The following KCNIP1 variants were observed in gnomAD, a reference collection of about 807,000 sequenced individuals.
The protein encoded by KCNIP1 is potassium voltage-gated channel interacting protein 1, also known as A-type potassium channel modulatory protein KCNIP1.
In KCNIP1, 18 loss-of-function variants were observed where a neutral mutation model predicts 33.0. The observed-to-expected ratio is 0.55, with a 90% CI of 0.38 to 0.81. KCNIP1 has a LOEUF of 0.81. Ranked by LOEUF, KCNIP1 falls within the 30% of genes least tolerant of loss-of-function variation. The pLI, the probability that KCNIP1 is intolerant of heterozygous loss-of-function variation, is 0.00. For synonymous variants in KCNIP1, 93 were observed against 98.3 expected (o/e 0.95, Z 0.32); for missense variants, 238 against 271.6 (o/e 0.88, Z 0.87).
chr5:170,649,885 T>C (rs997465320), intron 1 of KCNIP1, among the ~76,000 whole-genome samples: 2 of 152,018 alleles, frequency 1.3e-5, no homozygotes, highest in African/African-American at 4.8e-5. Context: ...TGAAAGAAGA[T>C]TGGAAAATAA....
chr5:170,368,347 C>T (rs1763752858), intron 1 of KCNIP1, among the ~76,000 whole-genome samples: 1 of 152,144 alleles, frequency 6.6e-6, no homozygotes, highest in East Asian at 1.9e-4. Flanking sequence ...TCACTGCAAC[C>T]TCTGCTTCCT....
At chr5:170,568,394 TC>T in intron 1 of KCNIP1, among the ~76,000 whole-genome samples, 1 of 152,134 alleles carries the variant, frequency 6.6e-6, no homozygotes, top group Middle Eastern at 3.4e-3. Flanking sequence ...TCCATAAACT[TC>T]CTCCTGATGC....
At chr5:170,448,627 T>A (rs944418527) in intron 1 of KCNIP1, among the ~76,000 whole-genome samples, 1 of 152,218 alleles carries the variant, frequency 6.6e-6, no homozygotes, top group Non-Finnish European at 1.5e-5. Context: ...TTTTCAAGAA[T>A]GGGCAAGATA....
At chr5:170,696,999 C>G (rs1383286036) in intron 1 of KCNIP1, among the ~76,000 whole-genome samples, 6 of 152,094 alleles carry the variant, frequency 3.9e-5, no homozygotes, top group African/African-American at 1.4e-4. Context: ...CCTCCCTGTA[C>G]ACGTAGAATC....
chr5:170,451,914 G>A (rs1756263972), intron 1 of KCNIP1, among the ~76,000 whole-genome samples: 1 of 152,180 alleles, frequency 6.6e-6, no homozygotes. Context: ...GTAAGAGCAT[G>A]CAGCATGGAG....
chr5:170,375,116 A>T (rs2036891319), intron 1 of KCNIP1: 1 of 152,164 alleles, frequency 6.6e-6, no homozygotes, highest in Admixed American at 6.5e-5. Flanking sequence ...TTCCTTTTTT[A>T]ACTTAAATTT....
intron 1 of KCNIP1, among the ~76,000 whole-genome samples, chr5:170,583,985 T>G (rs545371671): frequency 6.6e-6 from 1 of 152,324 alleles, no homozygotes; most frequent in African/African-American, 2.4e-5. Flanking sequence ...GAATGGACAT[T>G]GGCCTCACTG....
chr5:170,567,314 A>G (rs1757238369), intron 1 of KCNIP1, among the ~76,000 whole-genome samples: 1 of 152,200 alleles, frequency 6.6e-6, no homozygotes. Context: ...AAAATGCCAT[A>G]GTGTCGCTGG....
At chr5:170,458,169 T>C (rs888784892) in intron 1 of KCNIP1, among the ~76,000 whole-genome samples, 11 of 152,042 alleles carry the variant, frequency 7.2e-5, no homozygotes, top group African/African-American at 1.7e-4. Context: ...TAAGAAAATA[T>C]GAACAAAGCC....
chr5:170,572,845 A>C (rs1159435058), intron 1 of KCNIP1, among the ~76,000 whole-genome samples: 3 of 152,186 alleles, frequency 2.0e-5, no homozygotes, highest in African/African-American at 4.8e-5. Context: ...ATCCAACAAC[A>C]ATCATTTAGT....
At chr5:170,704,592 T>G (rs1763195571) in intron 1 of KCNIP1, among the ~76,000 whole-genome samples, 1 of 152,152 alleles carries the variant, frequency 6.6e-6, no homozygotes, top group Non-Finnish European at 1.5e-5. Flanking sequence ...ATCTAGGCTC[T>G]GTCTTGAAGG....
At chr5:170,720,422 G>A (rs756682745) in intron 3 of KCNIP1, 32 bp downstream of exon 3, 47 of 1,532,284 alleles carry the variant, frequency 3.1e-5, no homozygotes, top group Admixed American at 1.8e-4. Context: ...ATCTTGCCCA[G>A]CTCCCTCTCT....
chr5:170,691,830 A>G (rs916370735), intron 1 of KCNIP1, among the ~76,000 whole-genome samples: 1 of 152,084 alleles, frequency 6.6e-6, no homozygotes, highest in Non-Finnish European at 1.5e-5. Flanking sequence ...TATGCAGGGC[A>G]AGGTCCTGGA....
chr5:170,505,712 T>C (rs1180014423), intron 1 of KCNIP1, among the ~76,000 whole-genome samples: 1 of 152,046 alleles, frequency 6.6e-6, no homozygotes, highest in Non-Finnish European at 1.5e-5. Context: ...GAGATCTCCA[T>C]AAGTAAGCTG....
chr5:170,733,795 A>G (rs1430749755), intron 6 of KCNIP1, 41 bp from the exon 7 acceptor site: 2 of 1,515,900 alleles, frequency 1.3e-6, no homozygotes, highest in Admixed American at 3.3e-5. Context: ...TGGAATGGAG[A>G]TCACCAGATT....
intron 1 of KCNIP1, among the ~76,000 whole-genome samples, chr5:170,572,540 G>A (rs1337780791): frequency 6.6e-6 from 1 of 152,198 alleles, no homozygotes; most frequent in Non-Finnish European, 1.5e-5. Flanking sequence ...CAAGGCATAC[G>A]TGGTGTGCAG....
At chr5:170,570,321 A>G (rs1421642212) in intron 1 of KCNIP1, among the ~76,000 whole-genome samples, 2 of 152,308 alleles carry the variant, frequency 1.3e-5, no homozygotes, top group East Asian at 3.9e-4. Context: ...AATCATCTTA[A>G]TCATTACTGG....
chr5:170,616,633 G>A (rs1428163666), intron 1 of KCNIP1, among the ~76,000 whole-genome samples: 1 of 152,098 alleles, frequency 6.6e-6, no homozygotes, highest in African/African-American at 2.4e-5. Flanking sequence ...AAAGAGGTGG[G>A]GTTCCATGCT....
chr5:170,540,999 T>C (rs1306694621), intron 1 of KCNIP1, among the ~76,000 whole-genome samples: 1 of 152,118 alleles, frequency 6.6e-6, no homozygotes, highest in African/African-American at 2.4e-5. Flanking sequence ...AGAATGGGGG[T>C]ATAGAGATAG....
Sources: allele counts gnomAD v4.1 joint callset (sites outside exome capture counted in the v4.1 genomes callset), GRCh38; gene constraint gnomAD v4.1.1; transcripts MANE v1.5; gene names NCBI Gene and HGNC (gene_info 2026-07-23, HGNC 2026-07-21).